Variants in NICOL1 observed in about 807,000 individuals in gnomAD.
NICOL1 encodes the protein NELL2 interacting cell ontogeny regulator 1.
At chr4:2,038,283 A>G in the NICOL1 span, among the ~76,000 whole-genome samples, 1 of 133,282 alleles carries the variant, frequency 7.5e-6, no homozygotes, top group South Asian at 2.4e-4. Context: ...ATATATATAT[A>G]TAAAATTAAA....
the NICOL1 span, chr4:2,042,471 C>G: frequency 1.7e-5 from 7 of 418,272 alleles, no homozygotes; most frequent in Non-Finnish European, 2.5e-5. Flanking sequence ...CCGGGAGTGC[C>G]GTCCCCGCGC....
At chr4:2,042,192 C>T in the NICOL1 span, 4 of 807,556 alleles carry the variant, frequency 5.0e-6, no homozygotes, top group Middle Eastern at 4.9e-4. Context: ...AGGGGGCTCC[C>T]GGGCCCGGGG....
the NICOL1 span, chr4:2,043,730 G>A: frequency 3.1e-5 from 21 of 673,542 alleles, no homozygotes; most frequent in South Asian, 3.4e-4. Context: ...TGGGTGTGGG[G>A]GTTAGAGCCA....
At chr4:2,041,597 T>G in the NICOL1 span, 1 of 185,106 alleles carries the variant, frequency 5.4e-6, no homozygotes, top group Non-Finnish European at 1.1e-5. Context: ...ACCAGCTCTC[T>G]CCGGGCGGTG....
the NICOL1 span, chr4:2,043,921 C>G: frequency 4.4e-5 from 68 of 1,548,112 alleles, no homozygotes; most frequent in African/African-American, 8.6e-4. Context: ...GCCAGCGGGG[C>G]ACTGAGGACC....
the NICOL1 span, chr4:2,043,872 A>ACTG: frequency 6.5e-7 from 1 of 1,549,658 alleles, no homozygotes; most frequent in South Asian, 1.2e-5. Context: ...CGGAGACCCT[A>ACTG]CTGCTGCAGG....
chr4:2,043,958 A>C, the NICOL1 span: 7 of 1,518,726 alleles, frequency 4.6e-6, no homozygotes, highest in Non-Finnish European at 5.3e-6. Flanking sequence ...ATAAATGCCC[A>C]GTGGCACGCC....
chr4:2,038,951 T>C, the NICOL1 span, among the ~76,000 whole-genome samples: 2 of 152,200 alleles, frequency 1.3e-5, no homozygotes, highest in Non-Finnish European at 2.9e-5. Context: ...TTTCATCACC[T>C]GGGAGTTTAT....
the NICOL1 span, among the ~76,000 whole-genome samples, chr4:2,041,145 T>TGGG: frequency 1.2e-4 from 5 of 41,144 alleles, no homozygotes; most frequent in Admixed American, 2.2e-4. Context: ...GGCTGCTGGG[T>TGGG]GGGGTGGGGG....
chr4:2,041,518 C>T, the NICOL1 span, among the ~76,000 whole-genome samples: 1 of 152,104 alleles, frequency 6.6e-6, no homozygotes, highest in African/African-American at 2.4e-5. Context: ...CCCTGACGCC[C>T]GAGGATCGGG....
At chr4:2,042,822 C>A in the NICOL1 span, 63 of 1,486,538 alleles carry the variant, frequency 4.2e-5, no homozygotes, top group Non-Finnish European at 5.6e-5. Flanking sequence ...CCTGGACGCG[C>A]GGGTGAGCGC....
chr4:2,037,851 A>C, the NICOL1 span, among the ~76,000 whole-genome samples: 1 of 151,562 alleles, frequency 6.6e-6, no homozygotes, highest in Non-Finnish European at 1.5e-5. Context: ...AAAAGACTAC[A>C]TATATTTAGG....
the NICOL1 span, chr4:2,041,914 TA>T: frequency 7.2e-7 from 1 of 1,393,302 alleles, no homozygotes; most frequent in African/African-American, 1.5e-5. Context: ...TAGGTTCCTC[TA>T]AACCCGCGGC....
chr4:2,042,880 G>A, the NICOL1 span: 1 of 1,252,688 alleles, frequency 8.0e-7, no homozygotes, highest in South Asian at 1.5e-5. Context: ...GGGGAGGGCA[G>A]GGAGGATGAG....
the NICOL1 span, among the ~76,000 whole-genome samples, chr4:2,041,194 C>A: frequency 6.8e-6 from 1 of 146,826 alleles, no homozygotes; most frequent in African/African-American, 2.6e-5. Flanking sequence ...GCCTGGGGCG[C>A]CTTCTGAGGA....
At chr4:2,042,714 C>T in the NICOL1 span, 12 of 1,488,584 alleles carry the variant, frequency 8.1e-6, no homozygotes, top group Admixed American at 2.1e-5. Flanking sequence ...GCCCCCTCCA[C>T]CCTGACCCGC....
chr4:2,042,871 G>T, the NICOL1 span: 2 of 1,301,300 alleles, frequency 1.5e-6, no homozygotes, highest in Non-Finnish European at 2.0e-6. Context: ...CCAGGGGGTG[G>T]GGAGGGCAGG....
chr4:2,042,766 A>T, the NICOL1 span: 1 of 1,518,282 alleles, frequency 6.6e-7, no homozygotes, highest in Non-Finnish European at 8.8e-7. Flanking sequence ...CACGCCTTCG[A>T]GTTCATGCAG....
At chr4:2,041,681 G>T in the NICOL1 span, 24 of 321,778 alleles carry the variant, frequency 7.5e-5, no homozygotes, top group Admixed American at 6.1e-4. Context: ...CGCGCCTCGC[G>T]AGCATCGAGC....
Sources: allele counts gnomAD v4.1 joint callset (sites outside exome capture counted in the v4.1 genomes callset), GRCh38; gene constraint gnomAD v4.1.1; transcripts MANE v1.5; gene names NCBI Gene and HGNC (gene_info 2026-07-23, HGNC 2026-07-21).